The following BDP1 variants were observed in gnomAD, a reference collection of about 807,000 sequenced individuals.
BDP1 encodes the protein BDP1 general transcription factor IIIB subunit.
A neutral mutation model predicts 266.6 loss-of-function variants in BDP1; 169 were observed. The observed-to-expected ratio is 0.63, with a 90% CI of 0.56 to 0.72. The LOEUF (loss-of-function observed/expected upper bound fraction) is 0.72, where lower values mean the gene tolerates loss of function less well. Ranked by LOEUF, BDP1 falls within the 30% of genes least tolerant of loss-of-function variation. The pLI is 0.00. For synonymous variants in BDP1, 1,090 were observed against 1,022.4 expected, an observed-to-expected ratio of 1.07 and a Z score of -1.26; for missense variants, 3,015 against 3,053.8, an observed-to-expected ratio of 0.99 and a Z score of 0.30.
intron 11 of BDP1, among the ~76,000 whole-genome samples, chr5:71,491,428 T>C (rs1763586426): frequency 6.6e-6 from 1 of 152,204 alleles, no homozygotes; most frequent in Non-Finnish European, 1.5e-5. Context: ...TATCATTTTC[T>C]GTAATGATTT....
At position 71,539,630 on chromosome 5, in the gene BDP1, C is replaced by T. The variant is rs376037416; in HGVS notation, c.6003C>T (p.Ile2001=). ...TMGDLVLQSE[I]SSEQGDVGVC... ...GAGATCTAGTATTGCAGTCAGAGAT[C>T]AGTAGTGAACAGGGTGATGGTAAGA... is the stretch of plus-strand genomic sequence containing the variant. The change falls in exon 28 of 39, where the codon ATC becomes ATT. Residue 2001 remains isoleucine (I), a synonymous_variant. Coordinates refer to ENST00000358731, the MANE Select transcript of BDP1 (RefSeq NM_018429.3). 1.6e-5 allele frequency: 26 copies of T among 1,608,844 alleles called. No individual in the cohort carries two copies. In the African/African-American group the frequency reaches 2.8e-4, roughly 17 times the overall value.
chr5:71,556,760 A>G, intron 35 of BDP1, 126 bp from the exon 36 acceptor site: 1 of 502,318 alleles, frequency 2.0e-6, no homozygotes, highest in Non-Finnish European at 3.5e-6. Context: ...AATGTTTAGT[A>G]GAATTCCTCT....
chr5:71,525,597 CCA>C lies in BDP1; in HGVS notation c.5772+1275_5772+1276del, dbSNP rs1166372985. Among the ~76,000 whole-genome samples, 62 of 87,418 alleles carry C rather than the reference CCA, an allele frequency of 7.1e-4. 2 individuals carry two copies. The highest frequency in any genetic ancestry group is 9.8e-4 in the Non-Finnish European group (37 of 37,642). The allele number at this position is 87,418 out of a possible 152,430, so 57.3% of individuals were successfully genotyped here. ...GCTGGCCGGGCGGGGGGCTGACCCC[CCA>C]ACCTCCTTCCCGGACGGGGCGGCTG... On this transcript the variant is annotated intron_variant, in intron 25 of 38. Transcript: ENST00000358731.
chr5:71,562,931 T>C, intron 38 of BDP1: 1 of 1,231,750 alleles, frequency 8.1e-7, no homozygotes. Flanking sequence ...TAAACCTGTA[T>C]CAAAGACTTT....
chr5:71,463,560 G>C (rs542000794), intron 3 of BDP1, among the ~76,000 whole-genome samples: 2 of 152,236 alleles, frequency 1.3e-5, no homozygotes, highest in South Asian at 4.1e-4. Flanking sequence ...GGTGGCTCAT[G>C]CCTGTAATCT....
chr5:71,520,612 T>G (rs1765446097), intron 22 of BDP1, among the ~76,000 whole-genome samples: 1 of 151,738 alleles, frequency 6.6e-6, no homozygotes, highest in Admixed American at 6.6e-5. Context: ...ATTATAGAAT[T>G]TTACCACTGA....
Position 71,515,069 on chromosome 5 carries a change from A to G in BDP1, c.4596A>G (p.Lys1532=). ...CACCTTCAAATTCTTGTGAACCTAA[A>G]GAGGAGTCTCAGTCAGCACCAGTCC... The part of the protein sequence containing the change: ...NLSPSNSCEP[K]EESQSAPVQK... The change falls in exon 20 of 39, where the codon AAA becomes AAG. Residue 1532 remains lysine, a synonymous_variant. Transcript: ENST00000358731. The G allele has an allele frequency of 1.2e-6, 2 of 1,613,196 alleles. No homozygotes were observed. The highest frequency in any genetic ancestry group is 1.7e-6 in the Non-Finnish European group (2 of 1,179,660).
chr5:71,471,299 C>T (rs1011114482), intron 7 of BDP1, among the ~76,000 whole-genome samples: 12 of 151,906 alleles, frequency 7.9e-5, no homozygotes, highest in Non-Finnish European at 1.3e-4. Flanking sequence ...CACACCACCA[C>T]GCCCAGCTAA....
intron 4 of BDP1, among the ~76,000 whole-genome samples, chr5:71,465,132 A>T (rs1761826969): frequency 6.6e-6 from 1 of 151,958 alleles, no homozygotes; most frequent in Admixed American, 6.6e-5. Context: ...CAGCCTCCAA[A>T]AGTACTAGGA....
chr5:71,493,337 A>G (rs1221701327), intron 11 of BDP1, among the ~76,000 whole-genome samples: 1 of 152,170 alleles, frequency 6.6e-6, no homozygotes. Flanking sequence ...ACAGCTCACC[A>G]CAACCTTGAA....
intron 1 of BDP1, among the ~76,000 whole-genome samples, chr5:71,458,179 T>G (rs1416576345): frequency 6.6e-6 from 1 of 152,168 alleles, no homozygotes; most frequent in Non-Finnish European, 1.5e-5. Flanking sequence ...TAGACCAGTT[T>G]AAAATGTCAG....
intron 34 of BDP1, 58 bp from the exon 35 acceptor site, chr5:71,553,058 A>C: frequency 7.2e-6 from 10 of 1,380,642 alleles, no homozygotes; most frequent in Non-Finnish European, 2.0e-6. Flanking sequence ...CCTTTAAAAA[A>C]AAAAGTGTTA....
chr5:71,502,646 T>A lies in BDP1; in HGVS notation c.2096T>A (p.Leu699Ter). 6.2e-7 allele frequency: 1 copy of A among 1,613,716 alleles called. No homozygotes were observed. Among genetic ancestry groups the A allele is most frequent in the Non-Finnish European group, 8.5e-7 (1 of 1,179,844 alleles). The change falls in exon 15 of 39, where the codon TTA becomes TAA. Residue 699 changes from leucine (L) to a stop codon, truncating the protein, a stop_gained. Coordinates refer to ENST00000358731, the MANE Select transcript of BDP1 (RefSeq NM_018429.3). LOFTEE classifies it high-confidence loss of function. ...CLQEGSQLKA[L>*]RPVQVRGRLQ... ...CAGGAAGGGAGTCAACTAAAGGCTT[T>A]AAGACCTGTACAAGTGAGGGGCCGA...
chr5:71,485,996 A>G (rs1339945539), intron 8 of BDP1, among the ~76,000 whole-genome samples: 2 of 152,190 alleles, frequency 1.3e-5, no homozygotes, highest in East Asian at 3.9e-4. Flanking sequence ...TTTCTGAACA[A>G]TCAAATGCTG....
intron 25 of BDP1, among the ~76,000 whole-genome samples, chr5:71,527,621 A>G (rs1765971528): frequency 1.3e-5 from 2 of 152,160 alleles, no homozygotes; most frequent in Admixed American, 1.3e-4. Context: ...GTTCAATAAT[A>G]TTCCATTGTG....
chr5:71,557,313 A>G (rs550076106), intron 36 of BDP1, among the ~76,000 whole-genome samples: 1 of 150,604 alleles, frequency 6.6e-6, no homozygotes, highest in East Asian at 1.9e-4. Flanking sequence ...GGCTCAAGCA[A>G]TCCTCCCACC....
intron 21 of BDP1, 54 bp downstream of exon 21, chr5:71,516,325 A>C (rs967077932): frequency 1.5e-6 from 2 of 1,335,678 alleles, no homozygotes; most frequent in African/African-American, 2.9e-5. Flanking sequence ...TAAAATGTCA[A>C]GTTATAGCTC....
intron 3 of BDP1, among the ~76,000 whole-genome samples, chr5:71,463,801 C>G (rs1761715814): frequency 6.7e-6 from 1 of 148,304 alleles, no homozygotes; most frequent in Non-Finnish European, 1.5e-5. Context: ...GCACTTCAGT[C>G]TGACACAGCA....
intron 7 of BDP1, among the ~76,000 whole-genome samples, chr5:71,478,316 G>A (rs556222135): frequency 2.0e-5 from 3 of 152,188 alleles, no homozygotes; most frequent in Admixed American, 2.0e-4. Context: ...ATATATATGA[G>A]TCTTTTGTCT....
Sources: gnomAD v4.1 joint callset for allele counts (sites outside exome capture counted in the v4.1 genomes callset) on GRCh38, gnomAD v4.1.1 for gene constraint, MANE v1.5 for transcripts, NCBI Gene and HGNC (gene_info 2026-07-23, HGNC 2026-07-21) for gene names.